MEGF8: variants seen among roughly 807,000 people sequenced by gnomAD.
MEGF8 encodes multiple EGF like domains 8, also known as multiple epidermal growth factor-like domains protein 8.
In MEGF8, 156 loss-of-function variants were observed where a neutral mutation model predicts 302.9. The ratio of observed to expected loss-of-function variants is 0.52; its 90% CI spans 0.45 to 0.59. The LOEUF is 0.59. MEGF8 is among the 20% of genes least tolerant of loss of function. The pLI, the probability that MEGF8 is intolerant of heterozygous loss-of-function variation, is 0.00. For missense variants in MEGF8, 3,345 were observed against 3,964.5 expected (o/e 0.84, Z 4.20); for synonymous variants, 1,621 against 1,660.5 (o/e 0.98, Z 0.58).
chr19:42,338,819 C>T (rs957745381), intron 8 of MEGF8, among the ~76,000 whole-genome samples: 233 of 85,736 alleles, frequency 2.7e-3, no homozygotes, highest in Middle Eastern at 6.3e-3. Flanking sequence ...TTTTTTCTTT[C>T]TATGTATTTT....
chr19:42,340,929 A>G (rs776652429), intron 8 of MEGF8, among the ~76,000 whole-genome samples: 1 of 152,116 alleles, frequency 6.6e-6, no homozygotes, highest in East Asian at 1.9e-4. Context: ...GGGCCTCCCA[A>G]AGTTCTGGGA....
At chr19:42,343,405 A>G in intron 8 of MEGF8, 72 bp from the exon 9 acceptor site, 1 of 1,488,726 alleles carries the variant, frequency 6.7e-7, no homozygotes. Context: ...GTGGCCCAGG[A>G]GAATCAGGAG....
At chr19:42,327,359 A>G (rs2038998221) in intron 1 of MEGF8, among the ~76,000 whole-genome samples, 1 of 152,178 alleles carries the variant, frequency 6.6e-6, no homozygotes, top group South Asian at 2.1e-4. Context: ...TAATAGTGAG[A>G]GACAAGAGTG....
rs150709320 is a variant in MEGF8, at chr19:42,350,988, G to A, written c.2737-228G>A. The A allele has an allele frequency of 1.6e-3, 891 of 572,862 alleles. 6 individuals carry two copies. In the African/African-American group the frequency reaches 0.016, roughly 10 times the overall value. The allele number at this position is 572,862 out of a possible 1,614,324, so 35.5% of individuals were successfully genotyped here. A position where few individuals can be genotyped will look rare whatever the true frequency, so the allele number is the denominator to read the frequency against. ...CCTGAGGATTGAATAAGCCCCACCC[G>A]GACCACACAGAAGGGGTGCTATTGC... On this transcript the variant is annotated intron_variant, in intron 15 of 41. Transcript: ENST00000251268.
At position 42,375,996 on chromosome 19, in the gene MEGF8, C is replaced by G; in HGVS notation, c.7759C>G (p.Leu2587Val). The G allele has an allele frequency of 6.2e-7, 1 of 1,606,896 alleles. No individual in the cohort carries two copies. The highest frequency in any genetic ancestry group is 8.5e-7 in the Non-Finnish European group (1 of 1,178,098). ...YVTVTEPSAV[L>V]VVRGVRDRLV... ...GACGGTGACGGAGCCGTCGGCAGTGCTGGTGGTCCGCGGCGTGCGGGACCG... is the reference window on the plus strand; with the variant it reads ...GACGGTGACGGAGCCGTCGGCAGTGGTGGTGGTCCGCGGCGTGCGGGACCG... Residue 2587 changes from leucine to valine, a missense_variant, in exon 42 of 42, where the codon CTG becomes GTG. Coordinates refer to ENST00000251268, the MANE Select transcript of MEGF8 (RefSeq NM_001271938.2). The surrounding 1 kb of genome is among the most constrained non-coding windows in gnomAD (Gnocchi z 7.1).
chr19:42,373,554 T>C (rs1227214213), intron 41 of MEGF8, among the ~76,000 whole-genome samples: 4 of 150,498 alleles, frequency 2.7e-5, no homozygotes, highest in Non-Finnish European at 5.9e-5. Flanking sequence ...GCATGTGCTA[T>C]CATACCTGGC....
At chr19:42,335,427 A>G (rs1436049620) in intron 5 of MEGF8, 42 bp downstream of exon 5, 32 of 1,591,316 alleles carry the variant, frequency 2.0e-5, no homozygotes, top group Non-Finnish European at 2.5e-5. Flanking sequence ...TTTCCACTCA[A>G]TCAGACCCAG....
In MEGF8 at chr19:42,357,303, A is replaced by T; in HGVS notation, c.4831-101A>T. ...GCCCTGGGGGGGTCATTCCCTCCTT[A>T]GTACTTCAGGGAGGACTGTGGGGGG... On this transcript the variant is annotated intron_variant, in intron 27 of 41. Coordinates refer to ENST00000251268, the MANE Select transcript of MEGF8 (RefSeq NM_001271938.2). The surrounding 1 kb of genome is among the most constrained non-coding windows in gnomAD (Gnocchi z 5.2). 1 of 1,388,078 alleles carries T rather than the reference A, an allele frequency of 7.2e-7. No individual in the cohort carries two copies. The highest frequency in any genetic ancestry group is 9.9e-7 in the Non-Finnish European group (1 of 1,011,518). 86.0% of individuals were successfully genotyped at this position (1,388,078 alleles called of 1,614,324 possible).
rs1183367977 is a variant in MEGF8, at chr19:42,375,357, G to A, written c.7270-150G>A. The A allele has an allele frequency of 2.4e-6, 2 of 816,912 alleles. No homozygotes were observed. Among genetic ancestry groups the A allele is most frequent in the South Asian group, 1.8e-5 (1 of 54,848 alleles). 50.6% of individuals were successfully genotyped at this position (816,912 alleles called of 1,614,324 possible). A position where few individuals can be genotyped will look rare whatever the true frequency, so the allele number is the denominator to read the frequency against. On this transcript the variant is annotated intron_variant, in intron 41 of 41. Coordinates refer to ENST00000251268, the MANE Select transcript of MEGF8 (RefSeq NM_001271938.2). The surrounding 1 kb of genome is among the most constrained non-coding windows in gnomAD (Gnocchi z 7.1). ...TACACTGTGGCAGAGAAGGTCCGGGGGGTCACAGGGAAGTGACTGGGGCAG... is the reference window on the plus strand; with the variant it reads ...TACACTGTGGCAGAGAAGGTCCGGGAGGTCACAGGGAAGTGACTGGGGCAG...
Position 42,368,986 on chromosome 19 carries a change from G to C in MEGF8, c.6625G>C (p.Gly2209Arg). 1 of 1,613,590 alleles carries C rather than the reference G, an allele frequency of 6.2e-7. No individual in the cohort carries two copies. The highest frequency in any genetic ancestry group is 8.5e-7 in the Non-Finnish European group (1 of 1,179,866). ...PHGYECSCKT[G>R]YTMDNMTGLC... The stretch of plus-strand genomic sequence containing the variant: ...CGGCTATGAGTGCAGCTGCAAGACC[G>C]GCTATACCATGGACAAGTGAGGCCG... Residue 2209 changes from glycine to arginine, a missense_variant, in exon 37 of 42, where the codon GGC becomes CGC. Gly to Arg is a moderately radical substitution (Grantham distance 125). Coordinates refer to ENST00000251268, the MANE Select transcript of MEGF8 (RefSeq NM_001271938.2). The surrounding 1 kb of genome is among the most constrained non-coding windows in gnomAD (Gnocchi z 4.9).
At position 42,356,932 on chromosome 19, in the gene MEGF8, G is replaced by A. The variant is rs141153248; in HGVS notation, c.4781G>A (p.Arg1594His). The A allele has an allele frequency of 1.2e-3, 1,915 of 1,610,756 alleles. 13 individuals carry two copies. The highest frequency in any genetic ancestry group is 0.01 in the South Asian group (935 of 90,058). Residue 1594 changes from arginine to histidine, a missense_variant, in exon 27 of 42, where the codon CGT becomes CAT. By Grantham distance (29) the Arg-to-His change is conservative. Coordinates refer to ENST00000251268, the MANE Select transcript of MEGF8 (RefSeq NM_001271938.2). The surrounding 1 kb of genome is among the most constrained non-coding windows in gnomAD (Gnocchi z 5.2). ...LGGLTAGGVT[R>H]DFWVLNLTTL... ...GGACTTACCGCTGGAGGCGTCACCC[G>A]TGATTTCTGGGTCCTCAACCTCACC...
Position 42,336,683 on chromosome 19 carries a change from G to T in MEGF8, c.1245-124G>T. 1 of 1,390,570 alleles carries T rather than the reference G, an allele frequency of 7.2e-7. No individual in the cohort carries two copies. The highest frequency in any genetic ancestry group is 2.3e-5 in the East Asian group (1 of 42,760). The allele number at this position is 1,390,570 out of a possible 1,614,324, so 86.1% of individuals were successfully genotyped here. ...CCTGCCCACAGGGAACTTCTAGTTTGGAGGGGACATAGAGTCAGTCATGGC... is the reference window on the plus strand; with the variant it reads ...CCTGCCCACAGGGAACTTCTAGTTTTGAGGGGACATAGAGTCAGTCATGGC... On this transcript the variant is annotated intron_variant, in intron 6 of 41. Transcript: ENST00000251268. The surrounding 1 kb of genome is among the most constrained non-coding windows in gnomAD (Gnocchi z 4.8).
chr19:42,328,733 A>C (rs2039018142), intron 1 of MEGF8, among the ~76,000 whole-genome samples: 1 of 152,084 alleles, frequency 6.6e-6, no homozygotes, highest in Admixed American at 6.6e-5. Context: ...GTCAGGCTTT[A>C]GAGACCAGCC....
At chr19:42,328,149 G>A (rs1272690383) in intron 1 of MEGF8, among the ~76,000 whole-genome samples, 1 of 152,188 alleles carries the variant, frequency 6.6e-6, no homozygotes, top group East Asian at 1.9e-4. Flanking sequence ...AGGGTGGGAG[G>A]AGCCAGCAGG....
In MEGF8 at chr19:42,351,396, T is replaced by A. The variant is rs1199603052; in HGVS notation, c.2856-33T>A. On this transcript the variant is annotated intron_variant, in intron 16 of 41. Transcript: ENST00000251268. The surrounding 1 kb of genome is among the most constrained non-coding windows in gnomAD (Gnocchi z 5.6). ...TGTGCCTGGGGATGTGTGCTGGCTG[T>A]GGAGTGACCTGGCCCCCTGCTCCCC... 1.9e-6 allele frequency: 3 copies of A among 1,578,574 alleles called. No homozygotes were observed. The highest frequency in any genetic ancestry group is 2.6e-6 in the Non-Finnish European group (3 of 1,162,584).
intron 1 of MEGF8, among the ~76,000 whole-genome samples, chr19:42,330,438 A>G (rs868118772): frequency 5.3e-5 from 8 of 152,256 alleles, no homozygotes; most frequent in African/African-American, 1.9e-4. Context: ...AGAGCTTTAT[A>G]GTTTGGTTGA....
intron 41 of MEGF8, among the ~76,000 whole-genome samples, chr19:42,373,477 T>C (rs192676106): frequency 1.4e-4 from 21 of 152,144 alleles, no homozygotes; most frequent in East Asian, 1.4e-3. Flanking sequence ...CTCAGCTCAT[T>C]GCAACCTCTG....
Position 42,360,857 on chromosome 19 carries a change from G to T in MEGF8, c.5571G>T (p.Gly1857=). The T allele has an allele frequency of 6.2e-7, 1 of 1,613,352 alleles. No homozygotes were observed. The change falls in exon 32 of 42, where the codon GGG becomes GGT. Residue 1857 remains glycine (G), a synonymous_variant. Transcript: ENST00000251268. ...TCGGGAGCCGCCTGTATATCTCTGGGGGTTTCGGGGGAGTGGCCCTGGGCC... is the reference window on the plus strand; with the variant it reads ...TCGGGAGCCGCCTGTATATCTCTGGTGGTTTCGGGGGAGTGGCCCTGGGCC... The part of the protein sequence containing the change: ...AAVGSRLYIS[G]GFGGVALGRL...
At chr19:42,346,076 AT>A (rs1288050248) in intron 12 of MEGF8, among the ~76,000 whole-genome samples, 14 of 152,116 alleles carry the variant, frequency 9.2e-5, no homozygotes, top group African/African-American at 3.4e-4. Context: ...AATTTTTTGT[AT>A]TTTTAGTAGA....
Sources: gnomAD v4.1 joint callset for allele counts (sites outside exome capture counted in the v4.1 genomes callset) on GRCh38, gnomAD v4.1.1 for gene constraint, Gnocchi (gnomAD v3.1) non-coding constraint, MANE v1.5 for transcripts, NCBI Gene and HGNC (gene_info 2026-07-23, HGNC 2026-07-21) for gene names.